The following PHTF1 variants were observed in gnomAD, a reference collection of about 807,000 sequenced individuals.
The protein encoded by PHTF1 is putative homeodomain transcription factor 1.
Under a neutral mutation model 102.4 loss-of-function variants are expected in PHTF1, and 88 were observed. The observed-to-expected ratio is 0.86, with a 90% CI of 0.72 to 1.03. The LOEUF is 1.03. Among genes scored for constraint, PHTF1 ranks in the 50% least tolerant of loss-of-function variants. The pLI is 0.00. For synonymous variants in PHTF1, 289 were observed against 305.2 expected (o/e 0.95, Z 0.55); for missense variants, 814 against 909.5 (o/e 0.89, Z 1.35).
intron 7 of PHTF1, among the ~76,000 whole-genome samples, chr1:113,722,416 G>C (rs1245899378): frequency 6.6e-6 from 1 of 151,936 alleles, no homozygotes; most frequent in Non-Finnish European, 1.5e-5. Flanking sequence ...TCTAGCTTTG[G>C]CGATAGAGCG....
chr1:113,744,890 A>G (rs1443635799), intron 3 of PHTF1, among the ~76,000 whole-genome samples: 1 of 150,196 alleles, frequency 6.7e-6, no homozygotes, highest in Non-Finnish European at 1.5e-5. Context: ...TGGAAGCTGC[A>G]GGGAGACAAG....
chr1:113,736,480 C>T (rs1251419670), intron 5 of PHTF1, among the ~76,000 whole-genome samples: 1 of 152,038 alleles, frequency 6.6e-6, no homozygotes, highest in African/African-American at 2.4e-5. Flanking sequence ...CACAGTGGCT[C>T]ACACCTGTAA....
intron 5 of PHTF1, among the ~76,000 whole-genome samples, chr1:113,731,509 AGT>A (rs1412178490): frequency 6.8e-6 from 1 of 146,992 alleles, no homozygotes; most frequent in African/African-American, 2.5e-5. Context: ...CCAGCCTGGG[AGT>A]AAGAGTGAGA....
At chr1:113,737,176 T>C (rs755378258) in intron 5 of PHTF1, among the ~76,000 whole-genome samples, 8 of 152,110 alleles carry the variant, frequency 5.3e-5, no homozygotes, top group South Asian at 4.1e-4. Context: ...GAGTTGATGG[T>C]AGGGTAGAGT....
At chr1:113,749,187 C>G (rs1467572447) in intron 3 of PHTF1, among the ~76,000 whole-genome samples, 1 of 152,108 alleles carries the variant, frequency 6.6e-6, no homozygotes, top group Non-Finnish European at 1.5e-5. Context: ...TTTAAAAACA[C>G]TGTTTTTATG....
intron 3 of PHTF1, among the ~76,000 whole-genome samples, chr1:113,744,696 T>C (rs966242375): frequency 1.3e-5 from 2 of 152,200 alleles, no homozygotes; most frequent in Middle Eastern, 3.2e-3. Flanking sequence ...ATGCCTGCAA[T>C]CCCAGCACTT....
chr1:113,744,084 A>T (rs112630044), intron 3 of PHTF1, among the ~76,000 whole-genome samples: 416 of 152,376 alleles, frequency 2.7e-3, no homozygotes, highest in African/African-American at 9.5e-3. Flanking sequence ...TACTGGCCAC[A>T]ACCTCTACCT....
intron 12 of PHTF1, 37 bp from the exon 13 acceptor site, chr1:113,706,199 T>C (rs772201552): frequency 6.5e-7 from 1 of 1,538,916 alleles, no homozygotes; most frequent in East Asian, 2.3e-5. Flanking sequence ...ATTATTGTGT[T>C]AGCTAAATGG....
At chr1:113,750,784 A>T (rs1030065102) in intron 3 of PHTF1, among the ~76,000 whole-genome samples, 4 of 150,768 alleles carry the variant, frequency 2.7e-5, no homozygotes, top group African/African-American at 9.7e-5. Context: ...TGAACCTGGG[A>T]GGCGGAAGTT....
chr1:113,757,098 C>T (rs1659002874), intron 3 of PHTF1, among the ~76,000 whole-genome samples: 1 of 152,052 alleles, frequency 6.6e-6, no homozygotes, highest in Non-Finnish European at 1.5e-5. Context: ...ACCCAGGAGG[C>T]GGAGCTTGCA....
chr1:113,729,294 T>C (rs1253453807), intron 5 of PHTF1, among the ~76,000 whole-genome samples: 2 of 152,102 alleles, frequency 1.3e-5, no homozygotes, highest in Non-Finnish European at 2.9e-5. Flanking sequence ...GAGTAGGGGA[T>C]GTGGGGATGG....
chr1:113,700,926 G>A lies in PHTF1; in HGVS notation c.1914C>T (p.Phe638=). 1 of 1,610,978 alleles carries A rather than the reference G, an allele frequency of 6.2e-7. No homozygotes were observed. The highest frequency in any genetic ancestry group is 8.5e-7 in the Non-Finnish European group (1 of 1,179,038). Residue 638 remains phenylalanine (F), a synonymous_variant, in exon 16 of 19, where the codon TTC becomes TTT. Coordinates refer to ENST00000369604, the MANE Select transcript of PHTF1 (RefSeq NM_001323043.2). The stretch of plus-strand genomic sequence containing the variant: ...ACTCCCAGTTATAAGCATCATTCAG[G>A]AAAGTTTTATGTCCTTGGAGAACCT... ...CAQVLQGHKT[F]LNDAYNWEFL... is the part of the protein sequence containing the mutation.
chr1:113,750,002 GT>G lies in PHTF1; in HGVS notation c.102+7696del, dbSNP rs888126950. 8.9e-5 allele frequency among the ~76,000 whole-genome samples: 13 copies of G among 146,292 alleles called. No homozygotes were observed. The South Asian group carries it at 2.6e-3, about 29-fold the overall frequency. On this transcript the variant is annotated intron_variant, in intron 3 of 18. Transcript: ENST00000369604. ...ATTTTTTGGGTTTTGTTTTGTTTTT[GT>G]TTTTTTTTCAGGACAGGGTCTTGCT...
chr1:113,706,754 C>A (rs1462777081), intron 11 of PHTF1, 32 bp from the exon 12 acceptor site: 3 of 1,539,012 alleles, frequency 1.9e-6, no homozygotes, highest in South Asian at 2.4e-5. Flanking sequence ...TGTTTCTATC[C>A]ATGCCCTCTT....
At chr1:113,713,074 G>A (rs977636262) in intron 8 of PHTF1, among the ~76,000 whole-genome samples, 2 of 152,068 alleles carry the variant, frequency 1.3e-5, no homozygotes, top group African/African-American at 4.8e-5. Context: ...TACAGAACTC[G>A]CAAAATTAAT....
intron 11 of PHTF1, among the ~76,000 whole-genome samples, chr1:113,709,594 G>A (rs1557912712): frequency 6.6e-6 from 1 of 152,206 alleles, no homozygotes; most frequent in South Asian, 2.1e-4. Context: ...GAGGCCAATT[G>A]ATCATCTGAT....
At chr1:113,754,027 C>T (rs1658486106) in intron 3 of PHTF1, among the ~76,000 whole-genome samples, 1 of 152,166 alleles carries the variant, frequency 6.6e-6, no homozygotes, top group African/African-American at 2.4e-5. Flanking sequence ...CAGACCTCTT[C>T]TCAGTATTTG....
rs370631673 is a variant in PHTF1, at chr1:113,710,791, G to GATAT, written c.1048-320_1048-317dup. Among the ~76,000 whole-genome samples, 247 of 104,728 alleles carry GATAT rather than the reference G, an allele frequency of 2.4e-3. 1 individual carries two copies. Among genetic ancestry groups the GATAT allele is most frequent in the East Asian group, 6.5e-3 (27 of 4,160 alleles). The allele number at this position is 104,728 out of a possible 152,430, so 68.7% of individuals were successfully genotyped here. A position where few individuals can be genotyped will look rare whatever the true frequency, so the allele number is the denominator to read the frequency against. ...CTACAGGTGCATACCATCACACCCG[G>GATAT]ATATATATATATATATATATTTTTT... On this transcript the variant is annotated intron_variant, in intron 10 of 18. Coordinates refer to ENST00000369604, the MANE Select transcript of PHTF1 (RefSeq NM_001323043.2).
At chr1:113,703,565 T>G (rs1041944621) in intron 15 of PHTF1, among the ~76,000 whole-genome samples, 3 of 152,162 alleles carry the variant, frequency 2.0e-5, no homozygotes, top group Non-Finnish European at 4.4e-5. Flanking sequence ...CTCATTATGT[T>G]GCCCAGGTTG....
Sources: gnomAD v4.1 joint callset for allele counts (sites outside exome capture counted in the v4.1 genomes callset) on GRCh38, gnomAD v4.1.1 for gene constraint, MANE v1.5 for transcripts, NCBI Gene and HGNC (gene_info 2026-07-23, HGNC 2026-07-21) for gene names.